Variants in DNER observed in about 807,000 individuals in gnomAD.
DNER encodes delta and Notch-like epidermal growth factor-related receptor.
A neutral mutation model predicts 78.2 loss-of-function variants in DNER; 33 were observed. That is an observed-to-expected ratio of 0.42 (90% CI 0.32 to 0.56). The LOEUF (loss-of-function observed/expected upper bound fraction) is 0.56. Ranked by LOEUF, DNER falls within the 20% of genes least tolerant of loss-of-function variation. The pLI, the probability that DNER is intolerant of heterozygous loss-of-function variation, is 0.11. For synonymous variants in DNER, 417 were observed against 384.8 expected, an observed-to-expected ratio of 1.08 and a Z score of -0.98; for missense variants, 918 against 975.3, an observed-to-expected ratio of 0.94 and a Z score of 0.78.
At chr2:229,554,016 T>C (rs1286370047) in intron 4 of DNER, among the ~76,000 whole-genome samples, 1 of 152,178 alleles carries the variant, frequency 6.6e-6, no homozygotes, top group Non-Finnish European at 1.5e-5. Flanking sequence ...CATTGTTAAG[T>C]AGGAATAATA....
chr2:229,500,351 C>T (rs1054672184), intron 6 of DNER, among the ~76,000 whole-genome samples: 1 of 152,262 alleles, frequency 6.6e-6, no homozygotes, highest in African/African-American at 2.4e-5. Context: ...TCAAGTCACA[C>T]CTGTCAGAAT....
intron 1 of DNER, among the ~76,000 whole-genome samples, chr2:229,657,223 A>G (rs1239056483): frequency 1.3e-5 from 2 of 152,096 alleles, no homozygotes. Context: ...TCTACCTATA[A>G]GTGAGAATGC....
chr2:229,688,700 A>G (rs1478813496), intron 1 of DNER, among the ~76,000 whole-genome samples: 1 of 152,192 alleles, frequency 6.6e-6, no homozygotes, highest in Non-Finnish European at 1.5e-5. Context: ...TCACTTGAGC[A>G]CATATTTAAA....
chr2:229,603,246 C>T (rs938683475), intron 1 of DNER, among the ~76,000 whole-genome samples: 3 of 152,014 alleles, frequency 2.0e-5, no homozygotes, highest in Admixed American at 1.3e-4. Context: ...ATCTGTATAA[C>T]CTTATAGTAA....
rs565009585 is a variant in DNER at position 229,558,210 on chromosome 2, C to A, written c.848-11118G>T. On this transcript the variant is annotated intron_variant, in intron 4 of 12. Coordinates refer to ENST00000341772, the MANE Select transcript of DNER (RefSeq NM_139072.4). ...CATGGACATATAGAGGGGAACAACA[C>A]ACACTGGCGCCTTTTGGAGGGTGGA... 3.3e-5 allele frequency among the ~76,000 whole-genome samples: 5 copies of A among 152,226 alleles called. No homozygotes were observed. In the South Asian group the frequency reaches 1.0e-3, roughly 32 times the overall value.
chr2:229,414,429 G>T lies in DNER; in HGVS notation c.1609+3679C>A, dbSNP rs1693598378. ...TTACAGGCACCCGCCACCACACCTGGCTAATTTTCGTATTTTTAGTAGAGA... is the reference window on the plus strand; with the variant it reads ...TTACAGGCACCCGCCACCACACCTGTCTAATTTTCGTATTTTTAGTAGAGA... On this transcript the variant is annotated intron_variant, in intron 9 of 12. Coordinates refer to ENST00000341772, the MANE Select transcript of DNER (RefSeq NM_139072.4). 2.0e-5 allele frequency among the ~76,000 whole-genome samples: 3 copies of T among 151,992 alleles called. 1 individual carries two copies. In the South Asian group the frequency reaches 6.2e-4, roughly 32 times the overall value.
intron 7 of DNER, among the ~76,000 whole-genome samples, chr2:229,473,116 G>A (rs192121275): frequency 2.0e-4 from 30 of 152,292 alleles, no homozygotes; most frequent in African/African-American, 4.8e-4. Flanking sequence ...GAAAGGATGC[G>A]GATGTGTGCT....
intron 6 of DNER, among the ~76,000 whole-genome samples, chr2:229,503,328 G>A (rs1695660110): frequency 6.6e-6 from 1 of 152,108 alleles, no homozygotes; most frequent in South Asian, 2.1e-4. Flanking sequence ...AGAGGCCCTT[G>A]CTGGACTAGC....
At position 229,391,210 on chromosome 2, in the gene DNER, C is replaced by T. The variant is rs1348511188; in HGVS notation, c.1724-2814G>A. Among the ~76,000 whole-genome samples the T allele has an allele frequency of 2.6e-5, 4 of 152,194 alleles. No homozygotes were observed. The East Asian group carries it at 5.8e-4, about 22-fold the overall frequency. On this transcript the variant is annotated intron_variant, in intron 10 of 12. Transcript: ENST00000341772. ...CTTCATTTACGTTTCCCCATATTAACGGCATTATGTTTGTATATGCATTTC... is the reference window on the plus strand; with the variant it reads ...CTTCATTTACGTTTCCCCATATTAATGGCATTATGTTTGTATATGCATTTC...
intron 12 of DNER, among the ~76,000 whole-genome samples, chr2:229,363,985 C>CCTT (rs1692278574): frequency 3.9e-5 from 3 of 77,806 alleles, no homozygotes; most frequent in East Asian, 3.6e-4. Flanking sequence ...CAATTCTCTG[C>CCTT]TTTTTTTTTT....
intron 4 of DNER, among the ~76,000 whole-genome samples, chr2:229,577,641 A>C (rs1019835938): frequency 6.6e-6 from 1 of 152,338 alleles, no homozygotes; most frequent in Non-Finnish European, 1.5e-5. Context: ...TCTCAAAAAA[A>C]AAACAAAGAA....
Position 229,574,943 on chromosome 2 carries a change from C to T in DNER, c.847+10915G>A, listed in dbSNP as rs72987929. Among the ~76,000 whole-genome samples, 488 of 152,108 alleles carry T rather than the reference C, an allele frequency of 3.2e-3. 2 individuals carry two copies. Among genetic ancestry groups the T allele is most frequent in the Non-Finnish European group, 5.3e-3 (360 of 67,992 alleles). ...AGCTTTTGACCGTAAGCTGGCAAAG[C>T]CCCGAGAAAGTTTGTCTCTAAGTTA... On this transcript the variant is annotated intron_variant, in intron 4 of 12. Coordinates refer to ENST00000341772, the MANE Select transcript of DNER (RefSeq NM_139072.4).
chr2:229,596,117 T>C (rs75262609), intron 1 of DNER, among the ~76,000 whole-genome samples: 2 of 152,244 alleles, frequency 1.3e-5, no homozygotes, highest in African/African-American at 2.4e-5. Flanking sequence ...AATTTACTTG[T>C]GTATCCACAG....
intron 11 of DNER, among the ~76,000 whole-genome samples, chr2:229,373,884 G>A (rs1185376209): frequency 6.6e-6 from 1 of 152,152 alleles, no homozygotes; most frequent in Admixed American, 6.5e-5. Flanking sequence ...GTGGGAGCTG[G>A]CCAGGCACGG....
intron 1 of DNER, among the ~76,000 whole-genome samples, chr2:229,650,857 A>G (rs1344834529): frequency 2.0e-5 from 3 of 152,112 alleles, no homozygotes; most frequent in Non-Finnish European, 4.4e-5. Flanking sequence ...CCTGGGACGC[A>G]TCGGGTGGGC....
intron 1 of DNER, among the ~76,000 whole-genome samples, chr2:229,706,627 C>T (rs1490424115): frequency 1.3e-5 from 2 of 152,178 alleles, no homozygotes; most frequent in South Asian, 2.1e-4. Flanking sequence ...TCCCCTCTGC[C>T]ACTGGAACAT....
At chr2:229,552,824 T>C (rs1252886983) in intron 4 of DNER, among the ~76,000 whole-genome samples, 2 of 152,202 alleles carry the variant, frequency 1.3e-5, no homozygotes, top group Non-Finnish European at 2.9e-5. Context: ...CTGTTTTGTG[T>C]GGCTTTGGAG....
chr2:229,541,914 A>C (rs1696522661), intron 5 of DNER, among the ~76,000 whole-genome samples: 1 of 147,062 alleles, frequency 6.8e-6, no homozygotes, highest in African/African-American at 2.5e-5. Context: ...ATTTATATTT[A>C]TATTTATAAA....
At chr2:229,377,399 C>T (rs150568772) in intron 11 of DNER, among the ~76,000 whole-genome samples, 14 of 152,292 alleles carry the variant, frequency 9.2e-5, no homozygotes, top group African/African-American at 3.4e-4. Context: ...ACTGCTATGT[C>T]AAGATTCATA....
Sources: gnomAD v4.1 joint callset for allele counts (sites outside exome capture counted in the v4.1 genomes callset) on GRCh38, gnomAD v4.1.1 for gene constraint, MANE v1.5 for transcripts, NCBI Gene and HGNC (gene_info 2026-07-23, HGNC 2026-07-21) for gene names.